The following ABL2 variants were observed in gnomAD, a reference collection of about 807,000 sequenced individuals.
ABL2 encodes ABL proto-oncogene 2, non-receptor tyrosine kinase.
Under a neutral mutation model 107.7 loss-of-function variants are expected in ABL2, and 49 were observed. That is an observed-to-expected ratio of 0.45 (90% CI 0.36 to 0.58). The LOEUF is 0.58. Among genes scored for constraint, ABL2 ranks in the 20% least tolerant of loss-of-function variants. ABL2 has a pLI of 0.00. For synonymous variants in ABL2, 549 were observed against 548.6 expected, an observed-to-expected ratio of 1.00 and a Z score of -0.01; for missense variants, 1,245 against 1,457.0, an observed-to-expected ratio of 0.85 and a Z score of 2.37.
chr1:179,152,661 A>G (rs1386021395), intron 1 of ABL2, among the ~76,000 whole-genome samples: 2 of 152,260 alleles, frequency 1.3e-5, no homozygotes, highest in Non-Finnish European at 2.9e-5. Flanking sequence ...GACTTATCAC[A>G]GTAAGCAACA....
chr1:179,184,295 C>T (rs1660559361), intron 1 of ABL2: 1 of 541,292 alleles, frequency 1.8e-6, no homozygotes, highest in Non-Finnish European at 3.4e-6. Context: ...TTATCTTCAA[C>T]GAATTTCATT....
At chr1:179,199,594 ATC>A (rs1159139525) in intron 1 of ABL2, among the ~76,000 whole-genome samples, 7 of 152,192 alleles carry the variant, frequency 4.6e-5, no homozygotes, top group Admixed American at 1.3e-4. Flanking sequence ...TATATACAGT[ATC>A]TAATTTAATT....
In ABL2 at chr1:179,126,793, A is replaced by G. The variant is rs112677561; in HGVS notation, c.392-121T>C. 1 of 1,118,354 alleles carries G rather than the reference A, an allele frequency of 8.9e-7. No individual in the cohort carries two copies. The highest frequency in any genetic ancestry group is 1.9e-5 in the South Asian group (1 of 51,732). 69.3% of individuals were successfully genotyped at this position (1,118,354 alleles called of 1,614,324 possible). A position where few individuals can be genotyped will look rare whatever the true frequency, so the allele number is the denominator to read the frequency against. On this transcript the variant is annotated intron_variant, in intron 3 of 11. Transcript: ENST00000502732. The surrounding 1 kb of genome is among the most constrained non-coding windows in gnomAD (Gnocchi z 4.4). ...AAAAAGAATCTAGAACTTTTATGCC[A>G]AATTTTTTTTTTAAATAATGAAAAC...
At chr1:179,227,398 A>T (rs181874282) in intron 1 of ABL2, among the ~76,000 whole-genome samples, 1 of 152,290 alleles carries the variant, frequency 6.6e-6, no homozygotes, top group Non-Finnish European at 1.5e-5. Flanking sequence ...TCAACAAATT[A>T]TATCTATTCC....
intron 1 of ABL2, among the ~76,000 whole-genome samples, chr1:179,228,564 C>A (rs1663363119): frequency 6.6e-6 from 1 of 152,144 alleles, no homozygotes; most frequent in Admixed American, 6.5e-5. Context: ...CAACCTCTAG[C>A]CCTTGCCAGC....
chr1:179,120,325 A>C, intron 5 of ABL2, 51 bp from the exon 6 acceptor site: 1 of 1,178,354 alleles, frequency 8.5e-7, no homozygotes, highest in Non-Finnish European at 1.2e-6. Context: ...ACAAACCCTC[A>C]ACTTAAAATC....
chr1:179,229,412 A>C lies in ABL2; in HGVS notation c.-15T>G, dbSNP rs1663426166. The C allele has an allele frequency of 1.4e-5, 20 of 1,452,094 alleles. No homozygotes were observed. The highest frequency in any genetic ancestry group is 7.5e-5 in the South Asian group (5 of 67,038). The allele number at this position is 1,452,094 out of a possible 1,614,324, so 90.0% of individuals were successfully genotyped here. A position where few individuals can be genotyped will look rare whatever the true frequency, so the allele number is the denominator to read the frequency against. ...TGCTGCCCCATCCCTGCTCTCGCGT[A>C]CTCCCGCGCCCCCGCCGACCCCTGG... On this transcript the variant is annotated 5_prime_UTR_variant, in exon 1 of 12. Coordinates refer to ENST00000502732, the MANE Select transcript of ABL2 (RefSeq NM_007314.4).
intron 1 of ABL2, among the ~76,000 whole-genome samples, chr1:179,134,733 T>G (rs1656682609): frequency 7.3e-6 from 1 of 137,316 alleles, no homozygotes; most frequent in African/African-American, 2.7e-5. Flanking sequence ...CCTCTCCCTC[T>G]CCACGGTCGC....
At chr1:179,119,547 C>T (rs1473752223) in intron 6 of ABL2, among the ~76,000 whole-genome samples, 2 of 149,910 alleles carry the variant, frequency 1.3e-5, no homozygotes, top group African/African-American at 4.9e-5. Context: ...CCCACACCCC[C>T]CCAAAAAAAA....
intron 1 of ABL2, among the ~76,000 whole-genome samples, chr1:179,210,459 A>G (rs181118112): frequency 7.1e-6 from 1 of 141,560 alleles, no homozygotes; most frequent in Non-Finnish European, 1.5e-5. Context: ...AACTGAGATC[A>G]TGCCACTTGC....
chr1:179,146,130 G>C (rs1344370985), intron 1 of ABL2, among the ~76,000 whole-genome samples: 1 of 152,038 alleles, frequency 6.6e-6, no homozygotes, highest in African/African-American at 2.4e-5. Flanking sequence ...TTTTTTAAAA[G>C]ACCATTATTA....
chr1:179,191,524 G>A (rs551807270), intron 1 of ABL2, among the ~76,000 whole-genome samples: 129 of 146,724 alleles, frequency 8.8e-4, no homozygotes, highest in Non-Finnish European at 1.4e-3. Flanking sequence ...GGGTTCAAGC[G>A]ATTCTCTTGC....
chr1:179,152,956 C>A (rs1180278546), intron 1 of ABL2, among the ~76,000 whole-genome samples: 1 of 151,972 alleles, frequency 6.6e-6, no homozygotes, highest in Non-Finnish European at 1.5e-5. Context: ...AAGTAACACC[C>A]AGATATCAAA....
intron 1 of ABL2, among the ~76,000 whole-genome samples, chr1:179,228,050 CAAAAAAAAAAA>C (rs34070201): frequency 1.1e-4 from 7 of 63,376 alleles, no homozygotes; most frequent in Non-Finnish European, 1.4e-4. Context: ...ACTCCGTCTC[CAAAAAAAAAAA>C]AAAAAAAAAA....
At chr1:179,223,047 T>C (rs1571348573) in intron 1 of ABL2, among the ~76,000 whole-genome samples, 1 of 144,782 alleles carries the variant, frequency 6.9e-6, no homozygotes, top group East Asian at 2.1e-4. Flanking sequence ...GAGGAGGAGG[T>C]TGCAGTGAGC....
At chr1:179,226,022 C>T (rs1163577278) in intron 1 of ABL2, among the ~76,000 whole-genome samples, 7 of 110,548 alleles carry the variant, frequency 6.3e-5, no homozygotes, top group African/African-American at 1.1e-4. Context: ...CCAGCCTGGG[C>T]GACAGAGTGA....
intron 3 of ABL2, among the ~76,000 whole-genome samples, chr1:179,129,962 C>T (rs933858170): frequency 6.6e-6 from 1 of 152,070 alleles, no homozygotes; most frequent in Non-Finnish European, 1.5e-5. Flanking sequence ...TTTTAAGAGA[C>T]GGCATCTCAC....
At chr1:179,161,449 G>A (rs893839320) in intron 1 of ABL2, among the ~76,000 whole-genome samples, 4 of 152,130 alleles carry the variant, frequency 2.6e-5, no homozygotes, top group East Asian at 1.9e-4. Context: ...CAGGTGTGGC[G>A]GCTCACACCT....
intron 1 of ABL2, among the ~76,000 whole-genome samples, chr1:179,167,446 G>C (rs1373764290): frequency 6.6e-6 from 1 of 152,204 alleles, no homozygotes; most frequent in Non-Finnish European, 1.5e-5. Flanking sequence ...TTAACTGTAA[G>C]AAGATTAAAA....
Sources: allele counts gnomAD v4.1 joint callset (sites outside exome capture counted in the v4.1 genomes callset), GRCh38; gene constraint gnomAD v4.1.1; non-coding constraint Gnocchi (gnomAD v3.1); transcripts MANE v1.5; gene names NCBI Gene and HGNC (gene_info 2026-07-23, HGNC 2026-07-21).